The following PMPCB variants were observed in gnomAD, a reference collection of about 807,000 sequenced individuals.
PMPCB encodes mitochondrial-processing peptidase subunit beta.
A neutral mutation model predicts 61.5 loss-of-function variants in PMPCB; 46 were observed. That is an observed-to-expected ratio of 0.75 (90% confidence interval 0.59 to 0.96). The LOEUF (loss-of-function observed/expected upper bound fraction) is 0.96, where lower values mean the gene tolerates loss of function less well. PMPCB is among the 40% of genes least tolerant of loss of function. PMPCB has a pLI of 0.00. For synonymous variants in PMPCB, 191 were observed against 201.6 expected, an observed-to-expected ratio of 0.95 and a Z score of 0.44; for missense variants, 590 against 602.4, an observed-to-expected ratio of 0.98 and a Z score of 0.22.
At chr7:103,306,006 T>C (rs1199908392) in intron 6 of PMPCB, among the ~76,000 whole-genome samples, 1 of 152,240 alleles carries the variant, frequency 6.6e-6, no homozygotes, top group Non-Finnish European at 1.5e-5. Context: ...ATCTTTAGTT[T>C]AATGGCTTAT....
intron 8 of PMPCB, 30 bp downstream of exon 8, chr7:103,309,125 A>G (rs771419225): frequency 6.5e-7 from 1 of 1,541,620 alleles, no homozygotes; most frequent in Non-Finnish European, 8.8e-7. Context: ...ATTTTCCATA[A>G]CAGATGGAAG....
chr7:103,315,344 A>G (rs758943689), downstream of PMPCB, among the ~76,000 whole-genome samples: 13 of 152,190 alleles, frequency 8.5e-5, no homozygotes, highest in Non-Finnish European at 1.8e-4. Context: ...ATGTACAGAC[A>G]TACTTTGAAC....
rs773984958 is a variant in PMPCB at position 103,300,556 on chromosome 7, TG to T, written c.457+250del. On this transcript the variant is annotated intron_variant, in intron 4 of 12. Coordinates refer to ENST00000249269, the MANE Select transcript of PMPCB (RefSeq NM_004279.3). ...ATTATTTGGTGGGAATAAAATATTTTGTCAGGACAGCAGTTTGTTAGTTACC... is the reference window on the plus strand; with the variant it reads ...ATTATTTGGTGGGAATAAAATATTTTTCAGGACAGCAGTTTGTTAGTTACC... Among the ~76,000 whole-genome samples the T allele has an allele frequency of 5.3e-5, 8 of 152,364 alleles. No individual in the cohort carries two copies. The South Asian group carries it at 1.4e-3, about 28-fold the overall frequency.
At position 103,326,738 on chromosome 7, in the gene PMPCB, G is replaced by T. The variant is rs570301578; in HGVS notation, c.*1432-2193G>T. 5.5e-5 allele frequency: 83 copies of T among 1,511,330 alleles called. 2 individuals carry two copies. In the South Asian group the frequency reaches 1.0e-3, roughly 19 times the overall value. 93.6% of individuals were successfully genotyped at this position (1,511,330 alleles called of 1,614,324 possible). On this transcript the variant is annotated intron_variant and NMD_transcript_variant, in intron 12 of 12. Coordinates refer to the PMPCB transcript ENST00000444457. ...ACCATAACTTTACCTATTTTTTCCT[G>T]CAAGAAAACAAGTATTTCCCTCCTT...
exon 13 of PMPCB, chr7:103,328,938 T>G (rs1818850854): frequency 8.8e-7 from 1 of 1,136,284 alleles, no homozygotes; most frequent in Non-Finnish European, 1.2e-6. Context: ...TAGGATATAA[T>G]CACAGAAGTG....
chr7:103,344,477 A>G, the PMPCB span: 1 of 1,517,582 alleles, frequency 6.6e-7, no homozygotes, highest in Non-Finnish European at 9.1e-7. Context: ...TCAAGGGTAG[A>G]GAGAGCCCAG....
chr7:103,298,934 T>G (rs1817370925), intron 2 of PMPCB, among the ~76,000 whole-genome samples: 1 of 152,230 alleles, frequency 6.6e-6, no homozygotes, highest in Non-Finnish European at 1.5e-5. Context: ...AGCTTATTAT[T>G]GATTATTTAT....
intron 12 of PMPCB, among the ~76,000 whole-genome samples, chr7:103,326,103 C>T (rs1295273216): frequency 6.6e-6 from 1 of 152,038 alleles, no homozygotes; most frequent in Non-Finnish European, 1.5e-5. Context: ...CTCCGCCTCC[C>T]GAGGAGCTGG....
chr7:103,322,619 G>A, intron 12 of PMPCB: 1 of 1,612,968 alleles, frequency 6.2e-7, no homozygotes, highest in Non-Finnish European at 8.5e-7. Flanking sequence ...TTGGATCACA[G>A]CTGTATGCAT....
downstream of PMPCB, among the ~76,000 whole-genome samples, chr7:103,332,996 A>T (rs1250410890): frequency 1.3e-5 from 2 of 152,096 alleles, no homozygotes; most frequent in African/African-American, 4.8e-5. Context: ...CGGGATTTCA[A>T]ATTTTTTTAG....
At chr7:103,322,694 T>G in intron 12 of PMPCB, 1 of 1,612,616 alleles carries the variant, frequency 6.2e-7, no homozygotes, top group South Asian at 1.1e-5. Flanking sequence ...TTAAATCAAT[T>G]CTACTTACCA....
At chr7:103,319,552 A>G (rs1818265718), downstream of PMPCB, 1 of 1,514,360 alleles carries the variant, frequency 6.6e-7, no homozygotes. Flanking sequence ...GTGAAGAAAC[A>G]GGTCAAAGCA....
intron 4 of PMPCB, among the ~76,000 whole-genome samples, chr7:103,302,456 A>G (rs1393205968): frequency 6.6e-6 from 1 of 152,208 alleles, no homozygotes; most frequent in Admixed American, 6.5e-5. Context: ...ACCAGGGTAG[A>G]CCACCAATCC....
chr7:103,347,076 G>A, the PMPCB span, among the ~76,000 whole-genome samples: 1 of 152,180 alleles, frequency 6.6e-6, no homozygotes, highest in Non-Finnish European at 1.5e-5. Flanking sequence ...CAATCATACT[G>A]TTTCCCACAG....
chr7:103,303,221 A>G (rs1240866108), intron 4 of PMPCB, among the ~76,000 whole-genome samples: 1 of 152,168 alleles, frequency 6.6e-6, no homozygotes, highest in Non-Finnish European at 1.5e-5. Flanking sequence ...AGCTCCACCC[A>G]TCCTCCCATC....
At chr7:103,326,090 C>A (rs1324027666) in intron 12 of PMPCB, among the ~76,000 whole-genome samples, 1 of 152,008 alleles carries the variant, frequency 6.6e-6, no homozygotes, top group African/African-American at 2.4e-5. Flanking sequence ...GCAAAACTCC[C>A]GTCTCCGCCT....
chr7:103,321,923 C>A, intron 12 of PMPCB: 1 of 1,611,014 alleles, frequency 6.2e-7, no homozygotes, highest in South Asian at 1.1e-5. Context: ...TTTGTTCAGT[C>A]TGATATACCT....
chr7:103,343,734 A>G, the PMPCB span, among the ~76,000 whole-genome samples: 1 of 152,238 alleles, frequency 6.6e-6, no homozygotes, highest in South Asian at 2.1e-4. Context: ...TCCACCTTAC[A>G]CAGGAGAGGA....
chr7:103,303,811 G>A, intron 4 of PMPCB, 31 bp from the exon 5 acceptor site: 1 of 1,483,772 alleles, frequency 6.7e-7, no homozygotes, highest in Admixed American at 1.9e-5. Flanking sequence ...AAGATTGCTG[G>A]CACGTTTTCT....
Sources: allele counts gnomAD v4.1 joint callset (sites outside exome capture counted in the v4.1 genomes callset), GRCh38; gene constraint gnomAD v4.1.1; transcripts MANE v1.5; gene names NCBI Gene and HGNC (gene_info 2026-07-23, HGNC 2026-07-21).